ANKRD50: variants seen among roughly 807,000 people sequenced by gnomAD.
ANKRD50 encodes ankyrin repeat domain-containing protein 50.
Under a neutral mutation model 112.0 loss-of-function variants are expected in ANKRD50, and 40 were observed. The ratio of observed to expected loss-of-function variants is 0.36; its 90% CI spans 0.28 to 0.46. ANKRD50 has a LOEUF of 0.46. Among genes scored for constraint, ANKRD50 ranks in the 20% least tolerant of loss-of-function variants. The pLI is 1.00. For missense variants in ANKRD50, 1,487 were observed against 1,701.7 expected (o/e 0.87, Z 2.22); for synonymous variants, 613 against 619.1 (o/e 0.99, Z 0.15).
chr4:124,671,158 C>T lies in ANKRD50; in HGVS notation c.2119G>A (p.Asp707Asn). The change falls in exon 4 of 5, where the codon GAT (aspartate) becomes AAT (asparagine). Residue 707 changes from aspartate to asparagine, a missense_variant. Physicochemically the swap from Asp to Asn is conservative, Grantham distance 23. This residue lies in a region of ANKRD50 where 1,046 missense variants were observed against 1,269.5 expected (regional missense o/e 0.82). Coordinates refer to ENST00000504087, the MANE Select transcript of ANKRD50 (RefSeq NM_020337.3). Reference protein sequence around the residue: ...LDHGAEVNHEDVDGRTALSVA... With the variant: ...LDHGAEVNHENVDGRTALSVA... ...GAGAGTGCAGTCCTGCCATCAACAT[C>T]CTCATGATTTACTTCTGCTCCATGG... is the stretch of plus-strand genomic sequence containing the variant. 1 of 1,613,904 alleles carries T rather than the reference C, an allele frequency of 6.2e-7. No individual in the cohort carries two copies. Among genetic ancestry groups the T allele is most frequent in the Non-Finnish European group, 8.5e-7 (1 of 1,179,870 alleles).
intron 2 of ANKRD50, among the ~76,000 whole-genome samples, chr4:124,686,474 A>G (rs568670299): frequency 4.7e-4 from 72 of 152,242 alleles, no homozygotes; most frequent in African/African-American, 1.7e-3. Context: ...CTGGCTGGGA[A>G]AGGTATGGAA....
At chr4:124,703,882 G>A (rs1365146440) in intron 2 of ANKRD50, among the ~76,000 whole-genome samples, 3 of 152,162 alleles carry the variant, frequency 2.0e-5, no homozygotes, top group African/African-American at 7.2e-5. Context: ...GGAGCAATAT[G>A]TTATGTCATT....
At chr4:124,685,245 C>T (rs1296365813) in intron 2 of ANKRD50, among the ~76,000 whole-genome samples, 2 of 152,162 alleles carry the variant, frequency 1.3e-5, no homozygotes, top group African/African-American at 4.8e-5. Flanking sequence ...TTTCCCAGCA[C>T]TCAAAACCAC....
chr4:124,699,096 T>C (rs1179968623), intron 2 of ANKRD50, among the ~76,000 whole-genome samples: 1 of 152,184 alleles, frequency 6.6e-6, no homozygotes, highest in Non-Finnish European at 1.5e-5. Flanking sequence ...ATGGTCAAAC[T>C]ACATTTACTT....
chr4:124,669,369 T>C lies in ANKRD50; in HGVS notation c.3908A>G (p.Gln1303Arg), dbSNP rs1244668661. The change falls in exon 4 of 5, where the codon CAG becomes CGG. Residue 1303 changes from glutamine (Q) to arginine (R), a missense_variant. Around this residue, in one of 2 missense-constraint regions of ANKRD50, gnomAD observed 441 missense variants for 432.2 expected, o/e 1.02. Transcript: ENST00000504087. ...GGCTATAGGTCCTCTTCTATCAAACTGAGTCATTTCATATTCTAAAACCTT... is the reference window on the plus strand; with the variant it reads ...GGCTATAGGTCCTCTTCTATCAAACCGAGTCATTTCATATTCTAAAACCTT... ...QPKVLEYEMT[Q>R]FDRRGPIAKS... 6.2e-7 allele frequency: 1 copy of C among 1,613,536 alleles called. No homozygotes were observed. The highest frequency in any genetic ancestry group is 8.5e-7 in the Non-Finnish European group (1 of 1,179,804).
intron 2 of ANKRD50, among the ~76,000 whole-genome samples, chr4:124,684,115 A>G (rs1027144517): frequency 6.6e-6 from 1 of 152,104 alleles, no homozygotes; most frequent in East Asian, 1.9e-4. Flanking sequence ...AAGGCAATAT[A>G]TTTGGTCAAA....
Position 124,664,449 on chromosome 4 carries a change from T to TC in ANKRD50, c.*3068dup, listed in dbSNP as rs1276368127. The TC allele has an allele frequency of 6.6e-6, 1 of 152,424 alleles. No homozygotes were observed. Among genetic ancestry groups the TC allele is most frequent in the Non-Finnish European group, 1.5e-5 (1 of 67,916 alleles). 9.4% of individuals were successfully genotyped at this position (152,424 alleles called of 1,614,324 possible). A position where few individuals can be genotyped will look rare whatever the true frequency, so the allele number is the denominator to read the frequency against. On this transcript the variant is annotated 3_prime_UTR_variant, in exon 5 of 5. Coordinates refer to ENST00000504087, the MANE Select transcript of ANKRD50 (RefSeq NM_020337.3). ...TATGCTATATGCATATCATGCATGT[T>TC]CTACTGGTTCAAGGACAAAATTAAA...
intron 3 of ANKRD50, among the ~76,000 whole-genome samples, chr4:124,674,535 G>A (rs1730727582): frequency 6.6e-6 from 1 of 151,926 alleles, no homozygotes; most frequent in Non-Finnish European, 1.5e-5. Flanking sequence ...CTAAAGCTCA[G>A]AAAGGCTAAA....
chr4:124,678,968 T>C (rs1724810445), intron 2 of ANKRD50, 63 bp from the exon 3 acceptor site: 1 of 1,190,598 alleles, frequency 8.4e-7, no homozygotes, highest in Non-Finnish European at 1.2e-6. Context: ...AGATTTATTA[T>C]TCAAACATTA....
At position 124,710,462 on chromosome 4, in the gene ANKRD50, A is replaced by C; in HGVS notation, c.50T>G (p.Leu17Ter). The stretch of plus-strand genomic sequence containing the variant: ...ACAGTAAAACTGCTTCCCTTGCAGT[A>C]AACTGGTTTGAGCCATTTTGCAGAC... ...EKVCKMAQTS[L>*]LQGKQFYCRE... Residue 17 changes from leucine (L) to a stop codon, truncating the protein, a stop_gained, in exon 2 of 5, where the codon TTA becomes TGA. Coordinates refer to ENST00000504087, the MANE Select transcript of ANKRD50 (RefSeq NM_020337.3). LOFTEE classifies it high-confidence loss of function. The C allele has an allele frequency of 1.2e-6, 2 of 1,614,046 alleles. No individual in the cohort carries two copies. Among genetic ancestry groups the C allele is most frequent in the Non-Finnish European group, 1.7e-6 (2 of 1,180,010 alleles).
At chr4:124,701,207 C>T (rs1356418139) in intron 2 of ANKRD50, among the ~76,000 whole-genome samples, 5 of 152,168 alleles carry the variant, frequency 3.3e-5, no homozygotes, top group Non-Finnish European at 5.9e-5. Context: ...AGGTGATCTG[C>T]CCGCCTCGGC....
In ANKRD50 at chr4:124,671,799, T is replaced by C. The variant is rs1416371722; in HGVS notation, c.1478A>G (p.Glu493Gly). 2.5e-6 allele frequency: 4 copies of C among 1,613,790 alleles called. No individual in the cohort carries two copies. The highest frequency in any genetic ancestry group is 1.3e-5 in the African/African-American group (1 of 74,892). Residue 493 changes from glutamate to glycine, a missense_variant, in exon 4 of 5, where the codon GAA (glutamate) becomes GGA (glycine). Physicochemically the swap from Glu to Gly is moderately conservative, Grantham distance 98. Around this residue, in one of 2 missense-constraint regions of ANKRD50, gnomAD observed 1,046 missense variants for 1,269.5 expected, o/e 0.82. Coordinates refer to ENST00000504087, the MANE Select transcript of ANKRD50 (RefSeq NM_020337.3). ...RDSLSTLIPK[E>G]QEVLQLLVKA... ...AACCAACAGCTGTAGCACTTCTTGTTCCTTGGGTATCAAAGTAGAAAGGGA... is the reference window on the plus strand; with the variant it reads ...AACCAACAGCTGTAGCACTTCTTGTCCCTTGGGTATCAAAGTAGAAAGGGA...
intron 4 of ANKRD50, 37 bp downstream of exon 4, chr4:124,668,947 C>T (rs760729891): frequency 6.4e-7 from 1 of 1,556,776 alleles, no homozygotes; most frequent in East Asian, 2.2e-5. Context: ...GGGAACTCTA[C>T]TTTTGTTTTT....
intron 3 of ANKRD50, 88 bp downstream of exon 3, chr4:124,678,588 G>T: frequency 8.5e-7 from 1 of 1,176,876 alleles, no homozygotes; most frequent in Non-Finnish European, 1.2e-6. Flanking sequence ...AATGCAACAC[G>T]CAGATGTTCA....
chr4:124,711,044 G>C lies in ANKRD50; in HGVS notation c.-533C>G. 3.2e-6 allele frequency: 1 copy of C among 315,228 alleles called. No individual in the cohort carries two copies. The highest frequency in any genetic ancestry group is 5.7e-6 in the Non-Finnish European group (1 of 174,228). The allele number at this position is 315,228 out of a possible 1,614,324, so 19.5% of individuals were successfully genotyped here. A position where few individuals can be genotyped will look rare whatever the true frequency, so the allele number is the denominator to read the frequency against. ...AAGTAGCTCTGTATTTCTCGTTGAA[G>C]GATGATCACTCAAGAGTACTAGATC... On this transcript the variant is annotated 5_prime_UTR_variant, in exon 2 of 5. Transcript: ENST00000504087.
chr4:124,678,594 G>T, intron 3 of ANKRD50, 82 bp downstream of exon 3: 1 of 1,275,106 alleles, frequency 7.8e-7, no homozygotes, highest in Non-Finnish European at 1.1e-6. Flanking sequence ...ACACGCAGAT[G>T]TTCAACTGCA....
intron 2 of ANKRD50, 137 bp from the exon 3 acceptor site, chr4:124,679,042 T>A (rs991353764): frequency 3.0e-6 from 2 of 656,136 alleles, no homozygotes; most frequent in Non-Finnish European, 5.0e-6. Context: ...ATTATACAAG[T>A]TTCAATTCCT....
rs1330916996 is a variant in ANKRD50 at position 124,695,632 on chromosome 4, G to A, written c.512+14368C>T. The stretch of plus-strand genomic sequence containing the variant: ...AAGGGATGGTGCTTACTTTAAGCAC[G>A]TAACTCAGGAGATTTGCAAGAATTT... On this transcript the variant is annotated intron_variant, in intron 2 of 4. Transcript: ENST00000504087. Among the ~76,000 whole-genome samples, 4 of 152,132 alleles carry A rather than the reference G, an allele frequency of 2.6e-5. No homozygotes were observed. The South Asian group carries it at 8.3e-4, about 32-fold the overall frequency.
chr4:124,667,218 T>C lies in ANKRD50; in HGVS notation c.*300A>G, dbSNP rs996752361. 2.6e-5 allele frequency: 4 copies of C among 152,084 alleles called. No homozygotes were observed. Among genetic ancestry groups the C allele is most frequent in the African/African-American group, 9.7e-5 (4 of 41,444 alleles). 9.4% of individuals were successfully genotyped at this position (152,084 alleles called of 1,614,324 possible). A position where few individuals can be genotyped will look rare whatever the true frequency, so the allele number is the denominator to read the frequency against. Reference sequence around the variant, plus strand: ...TTTATCACATCTTAACTTAAAATACTCAAATTTTCTTTTCAGCTTTTATCA... The same window carrying C: ...TTTATCACATCTTAACTTAAAATACCCAAATTTTCTTTTCAGCTTTTATCA... On this transcript the variant is annotated 3_prime_UTR_variant, in exon 5 of 5. Coordinates refer to ENST00000504087, the MANE Select transcript of ANKRD50 (RefSeq NM_020337.3).
Sources: gnomAD v4.1 joint callset for allele counts (sites outside exome capture counted in the v4.1 genomes callset) on GRCh38, gnomAD v4.1.1 for gene constraint, gnomAD v4.1.1 regional missense constraint, MANE v1.5 for transcripts, NCBI Gene and HGNC (gene_info 2026-07-23, HGNC 2026-07-21) for gene names.